The following NLRP7 variants were observed in gnomAD, a reference collection of about 807,000 sequenced individuals.
NLRP7 encodes the protein NLR family pyrin domain containing 7, also known as NACHT, LRR and PYD domains-containing protein 7.
In NLRP7, 72 loss-of-function variants were observed where a neutral mutation model predicts 85.5. The observed-to-expected ratio is 0.84, with a 90% confidence interval of 0.70 to 1.02. The LOEUF is 1.02. NLRP7 is among the 50% of genes least tolerant of loss of function. The pLI, the probability that NLRP7 is intolerant of heterozygous loss-of-function variation, is 0.00. For synonymous variants in NLRP7, 550 were observed against 505.2 expected (o/e 1.09, Z -1.19); for missense variants, 1,243 against 1,219.5 (o/e 1.02, Z -0.29).
chr19:54,950,078 G>C (rs1378345324), upstream of NLRP7, among the ~76,000 whole-genome samples: 1 of 151,812 alleles, frequency 6.6e-6, no homozygotes, highest in Non-Finnish European at 1.5e-5. Context: ...CTCCAGCCTG[G>C]GTGACGGAGT....
exon 2 of NLRP7, chr19:54,941,702 G>A (rs1305389659): frequency 6.2e-7 from 1 of 1,612,634 alleles, no homozygotes; most frequent in Admixed American, 1.7e-5. Flanking sequence ...TCTAGCTGGG[G>A]CGATGTCATA....
At chr19:54,925,816 T>G (rs1602103869) in intron 9 of NLRP7, among the ~76,000 whole-genome samples, 1 of 151,842 alleles carries the variant, frequency 6.6e-6, no homozygotes, top group African/African-American at 2.4e-5. Flanking sequence ...CTGGCCAACA[T>G]AGTGAAACCC....
intron 5 of NLRP7, among the ~76,000 whole-genome samples, chr19:54,937,780 C>G (rs1302683784): frequency 3.3e-5 from 5 of 151,340 alleles, no homozygotes; most frequent in Admixed American, 1.3e-4. Context: ...GCCTGTAATC[C>G]CAGCTACTCG....
At chr19:54,947,608 A>G (rs1337079083), upstream of NLRP7, 12 of 1,289,432 alleles carry the variant, frequency 9.3e-6, no homozygotes, top group Non-Finnish European at 1.2e-5. Context: ...TGAGATTAAC[A>G]TTGGGTGGCT....
intron 1 of NLRP7, among the ~76,000 whole-genome samples, chr19:54,964,089 C>T (rs1483379820): frequency 6.7e-6 from 1 of 150,330 alleles, no homozygotes; most frequent in African/African-American, 2.4e-5. Context: ...TCATCTTGGC[C>T]AGGCTGGTCT....
chr19:54,947,715 G>C (rs895243958), upstream of NLRP7: 6 of 1,161,406 alleles, frequency 5.2e-6, no homozygotes, highest in Admixed American at 1.2e-4. Flanking sequence ...GAGAATTACG[G>C]CTTGCTGAAT....
intron 9 of NLRP7, among the ~76,000 whole-genome samples, chr19:54,928,774 T>G (rs145177588): frequency 2.2e-4 from 34 of 151,374 alleles, no homozygotes; most frequent in Non-Finnish European, 4.0e-4. Context: ...GGATCCCCCA[T>G]AAGGCCCTGT....
chr19:54,940,603 G>A, intron 3 of NLRP7, 137 bp from the exon 4 acceptor site: 2 of 966,126 alleles, frequency 2.1e-6, no homozygotes, highest in Non-Finnish European at 1.7e-6. Flanking sequence ...AAGGTGGGTG[G>A]ATCACTTGAG....
intron 1 of NLRP7, among the ~76,000 whole-genome samples, chr19:54,964,271 C>T (rs1429466321): frequency 2.4e-5 from 3 of 125,818 alleles, no homozygotes; most frequent in African/African-American, 6.2e-5. Context: ...GGCTGGAGTG[C>T]AGTGGCGCGA....
At position 54,961,822 on chromosome 19, in the gene NLRP7, C is replaced by CAA. The variant is rs533904792; in HGVS notation, c.-77+4216_-77+4217dup. Among the ~76,000 whole-genome samples the CAA allele has an allele frequency of 2.9e-3, 404 of 140,384 alleles. 11 individuals carry two copies. The East Asian group carries it at 0.062, about 22-fold the overall frequency. 92.1% of individuals were successfully genotyped at this position (140,384 alleles called of 152,430 possible). On this transcript the variant is annotated intron_variant, in intron 1 of 2. Transcript: ENST00000587103. ...GCGAGAGTCTGTCTCAAAAAGGAAA[C>CAA]AAAAAAAAAAGTACCTCCAAATTAT...
chr19:54,948,591 G>C (rs570439265), upstream of NLRP7, among the ~76,000 whole-genome samples: 2 of 151,296 alleles, frequency 1.3e-5, no homozygotes, highest in South Asian at 4.2e-4. Context: ...TTTTTTTTTG[G>C]ATGGAGTCTT....
intron 1 of NLRP7, among the ~76,000 whole-genome samples, chr19:54,959,364 C>A (rs2069962813): frequency 6.6e-6 from 1 of 150,926 alleles, no homozygotes; most frequent in Admixed American, 6.6e-5. Flanking sequence ...GTCTCAAACT[C>A]CTGACCTTGT....
At chr19:54,923,582 C>G (rs139173842) in exon 10 of NLRP7, 1 of 820,034 alleles carries the variant, frequency 1.2e-6, no homozygotes, top group Non-Finnish European at 2.1e-6. Context: ...GTGCGTGACT[C>G]GTGCAGAATC....
At chr19:54,931,804 C>T (rs1482118065) in intron 8 of NLRP7, among the ~76,000 whole-genome samples, 1 of 150,608 alleles carries the variant, frequency 6.6e-6, no homozygotes, top group Admixed American at 6.6e-5. Context: ...GAGCCAAGAT[C>T]GCACCACTGC....
intron 8 of NLRP7, 32 bp downstream of exon 8, chr19:54,933,537 T>G (rs2068763391): frequency 2.5e-6 from 4 of 1,607,970 alleles, no homozygotes; most frequent in African/African-American, 2.7e-5. Context: ...TGAATTCATG[T>G]GCACACACAC....
At chr19:54,935,471 G>A (rs973743250) in intron 6 of NLRP7, among the ~76,000 whole-genome samples, 27 of 152,016 alleles carry the variant, frequency 1.8e-4, no homozygotes, top group African/African-American at 2.2e-4. Context: ...CGAGACAGGC[G>A]GATCACTTGA....
chr19:54,940,288 G>C (rs746150420), exon 4 of NLRP7: 6 of 1,614,014 alleles, frequency 3.7e-6, no homozygotes, highest in Non-Finnish European at 5.1e-6. Context: ...CTGCGGGGCC[G>C]TGCAGCACCA....
chr19:54,939,121 G>A (rs760124890), exon 4 of NLRP7: 36 of 1,614,060 alleles, frequency 2.2e-5, no homozygotes, highest in Non-Finnish European at 2.9e-5. Context: ...CCTTCAGGTC[G>A]GTCACGGATA....
At chr19:54,951,068 A>G, upstream of NLRP7, among the ~76,000 whole-genome samples, 1 of 152,200 alleles carries the variant, frequency 6.6e-6, no homozygotes, top group Non-Finnish European at 1.5e-5. Context: ...CCCTTAATCC[A>G]TTTAACCCTG....
Sources: allele counts gnomAD v4.1 joint callset (sites outside exome capture counted in the v4.1 genomes callset), GRCh38; gene constraint gnomAD v4.1.1; transcripts MANE v1.5; gene names NCBI Gene and HGNC (gene_info 2026-07-23, HGNC 2026-07-21).